Variants in RAB3C observed in about 807,000 individuals in gnomAD.
RAB3C encodes ras-related protein Rab-3C.
Under a neutral mutation model 26.4 loss-of-function variants are expected in RAB3C, and 17 were observed. The observed-to-expected ratio is 0.64, with a 90% CI of 0.44 to 0.97. The LOEUF (loss-of-function observed/expected upper bound fraction) is 0.97. Ranked by LOEUF, RAB3C falls within the 50% of genes least tolerant of loss-of-function variation. The probability of loss-of-function intolerance (pLI) is 0.00; values close to 1 mark genes in which losing one functional copy is unlikely to be tolerated. For missense variants in RAB3C, 242 were observed against 281.9 expected (o/e 0.86, Z 1.01); for synonymous variants, 91 against 95.9 (o/e 0.95, Z 0.30).
At chr5:58,722,156 C>G (rs1289754309) in intron 2 of RAB3C, among the ~76,000 whole-genome samples, 1 of 151,796 alleles carries the variant, frequency 6.6e-6, no homozygotes, top group East Asian at 1.9e-4. Context: ...AAATTAACAT[C>G]TTATGAAAAT....
intron 4 of RAB3C, among the ~76,000 whole-genome samples, chr5:58,840,094 C>G (rs1179378676): frequency 6.6e-6 from 1 of 151,784 alleles, no homozygotes; most frequent in Non-Finnish European, 1.5e-5. Context: ...TTCTGCTTCC[C>G]AAAACACTGA....
intron 1 of RAB3C, among the ~76,000 whole-genome samples, chr5:58,608,503 A>C (rs1262155072): frequency 1.3e-5 from 2 of 152,238 alleles, no homozygotes; most frequent in African/African-American, 2.4e-5. Flanking sequence ...AACTCATGCT[A>C]GTTAGAATGG....
intron 2 of RAB3C, among the ~76,000 whole-genome samples, chr5:58,621,580 A>G (rs1408236249): frequency 6.6e-6 from 1 of 152,030 alleles, no homozygotes; most frequent in Non-Finnish European, 1.5e-5. Flanking sequence ...TTTTGTTTTT[A>G]TTTTTATTTT....
chr5:58,676,915 A>G (rs1466019094), intron 2 of RAB3C, among the ~76,000 whole-genome samples: 1 of 152,020 alleles, frequency 6.6e-6, no homozygotes, highest in Non-Finnish European at 1.5e-5. Context: ...ACTCTATTTT[A>G]GTTTACTGGG....
chr5:58,623,923 A>C (rs966873188), intron 2 of RAB3C, among the ~76,000 whole-genome samples: 2 of 151,972 alleles, frequency 1.3e-5, no homozygotes, highest in Non-Finnish European at 2.9e-5. Flanking sequence ...CTGTGCTTCC[A>C]TTTCCTCGTT....
intron 2 of RAB3C, among the ~76,000 whole-genome samples, chr5:58,666,584 C>T (rs1394926385): frequency 1.3e-5 from 2 of 152,160 alleles, no homozygotes; most frequent in Admixed American, 1.3e-4. Context: ...TAACAAGCTC[C>T]CAAACAATGG....
chr5:58,597,791 T>TACG (rs749509785), intron 1 of RAB3C, among the ~76,000 whole-genome samples: 839 of 20,752 alleles, frequency 0.04, 232 homozygotes, highest in South Asian at 0.15. Context: ...TATATAAGTA[T>TACG]ATAACATGTA....
intron 2 of RAB3C, among the ~76,000 whole-genome samples, chr5:58,652,830 C>T (rs1358090898): frequency 1.3e-5 from 2 of 151,988 alleles, no homozygotes; most frequent in African/African-American, 2.4e-5. Context: ...TACTATTTCT[C>T]TCCATATTGT....
intron 2 of RAB3C, among the ~76,000 whole-genome samples, chr5:58,711,847 G>A (rs772050697): frequency 1.3e-5 from 2 of 151,956 alleles, no homozygotes; most frequent in African/African-American, 2.4e-5. Context: ...CCATCCCCTC[G>A]GATACTATAG....
intron 2 of RAB3C, among the ~76,000 whole-genome samples, chr5:58,722,287 T>A (rs1455701898): frequency 6.6e-6 from 1 of 151,692 alleles, no homozygotes; most frequent in African/African-American, 2.4e-5. Context: ...GGTCACCTTT[T>A]AGCAGTGTCT....
At chr5:58,766,886 C>G (rs1450540965) in intron 3 of RAB3C, among the ~76,000 whole-genome samples, 2 of 152,144 alleles carry the variant, frequency 1.3e-5, no homozygotes, top group African/African-American at 4.8e-5. Context: ...GAAGCTGATT[C>G]CAAACATACA....
At chr5:58,751,035 G>A (rs1316541342) in intron 3 of RAB3C, among the ~76,000 whole-genome samples, 2 of 152,034 alleles carry the variant, frequency 1.3e-5, no homozygotes, top group Non-Finnish European at 2.9e-5. Flanking sequence ...TTGTATTTTA[G>A]TGGAGACGGA....
rs562043671 is a variant in RAB3C at position 58,621,253 on chromosome 5, C to T, written c.252+3383C>T. Among the ~76,000 whole-genome samples, 101 of 152,194 alleles carry T rather than the reference C, an allele frequency of 6.6e-4. No individual in the cohort carries two copies. In the South Asian group the frequency reaches 0.02, roughly 30 times the overall value. The stretch of plus-strand genomic sequence containing the variant: ...TGAAACACTATACCATTTTCTCTAC[C>T]AAGACAGGTTTCAGACATTGATTTA... On this transcript the variant is annotated intron_variant, in intron 2 of 4. Coordinates refer to ENST00000282878, the MANE Select transcript of RAB3C (RefSeq NM_138453.4).
At chr5:58,767,789 G>T (rs1293433116) in intron 3 of RAB3C, among the ~76,000 whole-genome samples, 1 of 152,082 alleles carries the variant, frequency 6.6e-6, no homozygotes, top group African/African-American at 2.4e-5. Context: ...CTAGGCTCAG[G>T]GGATAAAATA....
chr5:58,693,906 C>A (rs158980), intron 2 of RAB3C, among the ~76,000 whole-genome samples: 81,435 of 151,882 alleles, frequency 0.54, 22,079 homozygotes, highest in Non-Finnish European at 0.59. Flanking sequence ...CTATCCCATA[C>A]GTTCCCATCT....
At chr5:58,769,319 A>C (rs945831001) in intron 3 of RAB3C, among the ~76,000 whole-genome samples, 2 of 152,150 alleles carry the variant, frequency 1.3e-5, no homozygotes, top group Non-Finnish European at 2.9e-5. Flanking sequence ...TTCAGGAAAG[A>C]GAGAGAGTTA....
rs542966928 is a variant in RAB3C at position 58,829,739 on chromosome 5, C to A, written c.496+4577C>A. The stretch of plus-strand genomic sequence containing the variant: ...ATTATCTTAATAGCCTCTGAACATA[C>A]GTATTACCAAATTCCAGATTCATCC... On this transcript the variant is annotated intron_variant, in intron 4 of 4. Coordinates refer to ENST00000282878, the MANE Select transcript of RAB3C (RefSeq NM_138453.4). 2.0e-3 allele frequency among the ~76,000 whole-genome samples: 311 copies of A among 152,244 alleles called. 4 individuals are homozygous for A. Among genetic ancestry groups the A allele is most frequent in the African/African-American group, 7.1e-3 (294 of 41,538 alleles).
At chr5:58,806,468 C>T (rs776505513) in intron 3 of RAB3C, among the ~76,000 whole-genome samples, 1 of 152,152 alleles carries the variant, frequency 6.6e-6, no homozygotes, top group Non-Finnish European at 1.5e-5. Context: ...CAGTGCTCAT[C>T]AAACTGTACT....
chr5:58,674,279 G>A (rs1226466311), intron 2 of RAB3C, among the ~76,000 whole-genome samples: 2 of 152,132 alleles, frequency 1.3e-5, no homozygotes, highest in African/African-American at 4.8e-5. Flanking sequence ...TAGACTTCGA[G>A]GCATCATTTC....
Sources: gnomAD v4.1 joint callset for allele counts (sites outside exome capture counted in the v4.1 genomes callset) on GRCh38, gnomAD v4.1.1 for gene constraint, MANE v1.5 for transcripts, NCBI Gene and HGNC (gene_info 2026-07-23, HGNC 2026-07-21) for gene names.